Variants in SLC2A13 observed in about 807,000 individuals in gnomAD.
SLC2A13 encodes solute carrier family 2 member 13, also known as proton myo-inositol cotransporter.
Under a neutral mutation model 64.4 loss-of-function variants are expected in SLC2A13, and 32 were observed. The observed-to-expected ratio is 0.50, with a 90% CI of 0.37 to 0.67. SLC2A13 has a LOEUF of 0.67. SLC2A13 is among the 30% of genes least tolerant of loss of function. The pLI is 0.00. For synonymous variants in SLC2A13, 338 were observed against 327.1 expected, an observed-to-expected ratio of 1.03 and a Z score of -0.36; for missense variants, 743 against 829.2, an observed-to-expected ratio of 0.90 and a Z score of 1.28.
chr12:39,918,311 G>T (rs1261594015), intron 4 of SLC2A13, among the ~76,000 whole-genome samples: 2 of 151,494 alleles, frequency 1.3e-5, no homozygotes, highest in Admixed American at 6.6e-5. Context: ...AATTTTTTTT[G>T]GGGGGTGGTG....
intron 3 of SLC2A13, among the ~76,000 whole-genome samples, chr12:40,022,654 C>T (rs537680678): frequency 7.2e-5 from 11 of 152,160 alleles, no homozygotes; most frequent in East Asian, 1.9e-4. Context: ...CTGGCCAACG[C>T]GGTGAAACCC....
Position 39,759,431 on chromosome 12 carries a change from A to G in SLC2A13, c.*595T>C, listed in dbSNP as rs1940057629. The G allele has an allele frequency of 6.6e-6, 1 of 152,576 alleles. No homozygotes were observed. Among genetic ancestry groups the G allele is most frequent in the Non-Finnish European group, 1.5e-5 (1 of 68,062 alleles). 9.5% of individuals were successfully genotyped at this position (152,576 alleles called of 1,614,324 possible). A position where few individuals can be genotyped will look rare whatever the true frequency, so the allele number is the denominator to read the frequency against. ...TATCTGAAGAACTCCCAATATCTGAATTGGAGAGAAACAAAAATATGGAAT... is the reference window on the plus strand; with the variant it reads ...TATCTGAAGAACTCCCAATATCTGAGTTGGAGAGAAACAAAAATATGGAAT... On this transcript the variant is annotated 3_prime_UTR_variant, in exon 10 of 10. Coordinates refer to ENST00000280871, the MANE Select transcript of SLC2A13 (RefSeq NM_052885.4).
chr12:40,014,562 G>A (rs1434484169), intron 3 of SLC2A13, among the ~76,000 whole-genome samples: 1 of 152,034 alleles, frequency 6.6e-6, no homozygotes, highest in African/African-American at 2.4e-5. Flanking sequence ...CATGATCTCG[G>A]CTCACTGCAA....
rs565770545 is a variant in SLC2A13 at position 39,841,520 on chromosome 12, T to C, written c.1320-11292A>G. 3.9e-5 allele frequency among the ~76,000 whole-genome samples: 6 copies of C among 152,190 alleles called. No homozygotes were observed. The South Asian group carries it at 8.3e-4, about 21-fold the overall frequency. ...ATAGTTAAAAACCTCAATTGTAATT[T>C]TGCATGTGTAAGATAACATGTATAT... On this transcript the variant is annotated intron_variant, in intron 6 of 9. Coordinates refer to ENST00000280871, the MANE Select transcript of SLC2A13 (RefSeq NM_052885.4).
intron 3 of SLC2A13, among the ~76,000 whole-genome samples, chr12:40,019,106 T>C (rs1174884776): frequency 6.6e-6 from 1 of 152,120 alleles, no homozygotes; most frequent in Non-Finnish European, 1.5e-5. Context: ...CAGTTGACAC[T>C]GTTACTCTGG....
chr12:40,004,597 A>G (rs950604472), intron 3 of SLC2A13, among the ~76,000 whole-genome samples: 12 of 150,678 alleles, frequency 8.0e-5, no homozygotes, highest in African/African-American at 3.0e-4. Flanking sequence ...AGACTGGGCA[A>G]TGAGTAAAGG....
At chr12:39,977,222 C>T (rs138359253) in intron 3 of SLC2A13, among the ~76,000 whole-genome samples, 47 of 152,274 alleles carry the variant, frequency 3.1e-4, no homozygotes, top group Non-Finnish European at 6.5e-4. Context: ...GGCAGATTAG[C>T]AAACAAAGGC....
intron 6 of SLC2A13, among the ~76,000 whole-genome samples, chr12:39,853,555 T>C (rs970772868): frequency 2.0e-5 from 3 of 152,166 alleles, no homozygotes; most frequent in Non-Finnish European, 2.9e-5. Context: ...TTTTCTTTCT[T>C]TCTTTCTCTT....
At chr12:39,946,668 C>T (rs576203964) in intron 4 of SLC2A13, among the ~76,000 whole-genome samples, 9 of 152,222 alleles carry the variant, frequency 5.9e-5, no homozygotes, top group Admixed American at 5.9e-4. Flanking sequence ...CAGGCCTCAC[C>T]CAACTCTCAC....
At chr12:40,021,544 TTACCA>T (rs1947718865) in intron 3 of SLC2A13, among the ~76,000 whole-genome samples, 1 of 152,320 alleles carries the variant, frequency 6.6e-6, no homozygotes, top group Admixed American at 6.5e-5. Flanking sequence ...AATCTACTGT[TTACCA>T]GCCTAATACT....
chr12:39,879,975 G>A (rs150651485), intron 4 of SLC2A13, among the ~76,000 whole-genome samples: 70 of 152,208 alleles, frequency 4.6e-4, no homozygotes, highest in South Asian at 2.3e-3. Context: ...TCATGGTTTG[G>A]TCCTGTCTTA....
chr12:40,096,058 C>T (rs1443197570), intron 1 of SLC2A13, among the ~76,000 whole-genome samples: 1 of 151,750 alleles, frequency 6.6e-6, no homozygotes, highest in African/African-American at 2.4e-5. Flanking sequence ...CCTCAGCCTC[C>T]TGAGTAGCCC....
chr12:39,864,012 T>A (rs555488835), intron 6 of SLC2A13, among the ~76,000 whole-genome samples: 1 of 152,368 alleles, frequency 6.6e-6, no homozygotes, highest in Admixed American at 6.5e-5. Context: ...TCTATCTATA[T>A]GTTTTAAAGG....
At chr12:39,857,142 AT>A (rs1275439298) in intron 6 of SLC2A13, among the ~76,000 whole-genome samples, 1 of 152,154 alleles carries the variant, frequency 6.6e-6, no homozygotes, top group East Asian at 1.9e-4. Context: ...TTCCCCCTTT[AT>A]CTTGTTCTGT....
chr12:39,857,589 A>G (rs138563419), intron 6 of SLC2A13, among the ~76,000 whole-genome samples: 2 of 152,190 alleles, frequency 1.3e-5, no homozygotes, highest in East Asian at 1.9e-4. Context: ...TCTGTAATCA[A>G]TTTTCCACTC....
rs767171759 is a variant in SLC2A13 at position 39,764,603 on chromosome 12, G to C, written c.1577C>G (p.Pro526Arg). The C allele has an allele frequency of 1.3e-6, 2 of 1,593,020 alleles. No homozygotes were observed. The highest frequency in any genetic ancestry group is 2.7e-5 in the African/African-American group (2 of 73,364). The change falls in exon 9 of 10, where the codon CCA becomes CGA. Residue 526 changes from proline to arginine, a missense_variant. Pro to Arg is a moderately radical substitution (Grantham distance 103). Around this residue, in one of 2 missense-constraint regions of SLC2A13, gnomAD observed 295 missense variants for 381.7 expected, o/e 0.77. Transcript: ENST00000280871. ...YLVFFAPGMG[P>R]MPWTVNSEIY... ...TTCAGAATTCACAGTCCAAGGCATT[G>C]GTCCCATTCCTGAGAAATAAAACAT...
chr12:39,860,475 A>G (rs1362695435), intron 6 of SLC2A13, among the ~76,000 whole-genome samples: 2 of 152,184 alleles, frequency 1.3e-5, no homozygotes, highest in Admixed American at 6.5e-5. Context: ...TGCATGGATA[A>G]TAATTCTTCA....
intron 4 of SLC2A13, among the ~76,000 whole-genome samples, chr12:39,924,281 C>CT (rs1477113343): frequency 2.6e-5 from 4 of 151,936 alleles, no homozygotes; most frequent in South Asian, 2.1e-4. Flanking sequence ...AGGTTGTTGT[C>CT]TTTTTTTAAT....
At chr12:40,024,891 C>T (rs1050581135) in intron 3 of SLC2A13, among the ~76,000 whole-genome samples, 1 of 152,142 alleles carries the variant, frequency 6.6e-6, no homozygotes, top group East Asian at 1.9e-4. Flanking sequence ...GCAACTCTCC[C>T]GAGATTCATT....
Sources: allele counts gnomAD v4.1 joint callset (sites outside exome capture counted in the v4.1 genomes callset), GRCh38; gene constraint gnomAD v4.1.1; regional missense constraint gnomAD v4.1.1; transcripts MANE v1.5; gene names NCBI Gene and HGNC (gene_info 2026-07-23, HGNC 2026-07-21).